Variants in ROS1 observed in about 807,000 individuals in gnomAD.
ROS1 encodes the protein ROS proto-oncogene 1, receptor tyrosine kinase.
Under a neutral mutation model 273.5 loss-of-function variants are expected in ROS1, and 263 were observed. The ratio of observed to expected loss-of-function variants is 0.96; its 90% confidence interval spans 0.87 to 1.06. ROS1 has a LOEUF of 1.06. Among genes scored for constraint, ROS1 ranks in the 50% least tolerant of loss-of-function variants. The pLI is 0.00. For synonymous variants in ROS1, 1,008 were observed against 954.1 expected (o/e 1.06, Z -1.04); for missense variants, 2,833 against 2,751.1 (o/e 1.03, Z -0.67).
chr6:117,377,963 T>TA (rs1781473701), intron 18 of ROS1, among the ~76,000 whole-genome samples: 1 of 152,168 alleles, frequency 6.6e-6, no homozygotes, highest in Admixed American at 6.5e-5. Flanking sequence ...AAGTGCTGGT[T>TA]AAAATCACAA....
In ROS1 at chr6:117,320,028, G is replaced by T; in HGVS notation, c.5762C>A (p.Thr1921Asn). 6.2e-7 allele frequency: 1 copy of T among 1,612,872 alleles called. No homozygotes were observed. Among genetic ancestry groups the T allele is most frequent in the Non-Finnish European group, 8.5e-7 (1 of 1,179,300 alleles). Residue 1921 changes from threonine (T) to asparagine (N), a missense_variant and splice_region_variant, in exon 37 of 44, where the codon ACT (threonine) becomes AAT (asparagine). Thr to Asn is a moderately conservative substitution (Grantham distance 65, BLOSUM62 0). Transcript: ENST00000368507. ...GLANACYAIH[T>N]LPTQEEIENL... ...TTCAATCTCCTCTTGGGTTGGAAGA[G>T]TACTGTAAAATAGCAACATTTTTGT...
At chr6:117,321,576 A>C (rs952831672) in intron 35 of ROS1, among the ~76,000 whole-genome samples, 182 bp from the exon 36 acceptor site, 2 of 152,142 alleles carry the variant, frequency 1.3e-5, no homozygotes, top group Admixed American at 1.3e-4. Context: ...CCAGGTAAAA[A>C]GCCATATATA....
chr6:117,328,741 G>T (rs374551666), intron 33 of ROS1: 1 of 613,722 alleles, frequency 1.6e-6, no homozygotes, highest in East Asian at 3.4e-5. Flanking sequence ...TATGGTTCAC[G>T]TGCTCCCCGT....
In ROS1 at chr6:117,307,214, A is replaced by G. The variant is rs564850733; in HGVS notation, c.6551+1580T>C. 3.9e-5 allele frequency among the ~76,000 whole-genome samples: 6 copies of G among 152,258 alleles called. No homozygotes were observed. In the South Asian group the frequency reaches 1.0e-3, roughly 26 times the overall value. The stretch of plus-strand genomic sequence containing the variant: ...ATTTGTTATTAACCCCCCTGCCCCA[A>G]ACAAAATAATCAAACACATCAGTCA... On this transcript the variant is annotated intron_variant, in intron 42 of 43. Coordinates refer to ENST00000368507, the MANE Select transcript of ROS1 (RefSeq NM_001378902.1).
Position 117,383,427 on chromosome 6 carries a change from A to G in ROS1, c.2371T>C (p.Ser791Pro). Reference protein sequence around the residue: ...KLLVNDMVVDSVGGYLYWTTL... With the variant: ...KLLVNDMVVDPVGGYLYWTTL... ...GTCCAGTAGAGATATCCACCAACTG[A>G]ATCCACCACCATGTCATTCACCAAT... Residue 791 changes from serine to proline, a missense_variant, in exon 17 of 44, where the codon TCA becomes CCA. Transcript: ENST00000368507. 6.2e-7 allele frequency: 1 copy of G among 1,614,028 alleles called. No homozygotes were observed. The highest frequency in any genetic ancestry group is 1.1e-5 in the South Asian group (1 of 91,078).
rs1313117191 is a variant in ROS1 at position 117,361,086 on chromosome 6, G to T, written c.3367-681C>A. Among the ~76,000 whole-genome samples, 3 of 152,218 alleles carry T rather than the reference G, an allele frequency of 2.0e-5. No homozygotes were observed. The East Asian group carries it at 5.8e-4, about 29-fold the overall frequency. Reference sequence around the variant, plus strand: ...TGGACCAGGATACTAATAAAGGTAAGTAACTCATGCACAATGACGTATGTA... The same window carrying T: ...TGGACCAGGATACTAATAAAGGTAATTAACTCATGCACAATGACGTATGTA... On this transcript the variant is annotated intron_variant, in intron 22 of 43. Transcript: ENST00000368507.
At chr6:117,370,626 A>G (rs1218715995) in intron 18 of ROS1, among the ~76,000 whole-genome samples, 7 of 152,326 alleles carry the variant, frequency 4.6e-5, no homozygotes, top group African/African-American at 1.4e-4. Flanking sequence ...GAACACTAAG[A>G]GTAGGATGGT....
intron 4 of ROS1, among the ~76,000 whole-genome samples, chr6:117,413,349 G>T (rs1775079212): frequency 6.6e-6 from 1 of 152,064 alleles, no homozygotes; most frequent in Non-Finnish European, 1.5e-5. Context: ...CCTCCTACTT[G>T]AACCTCCGAA....
intron 9 of ROS1, among the ~76,000 whole-genome samples, chr6:117,395,139 T>A (rs1773390482): frequency 6.6e-6 from 1 of 152,150 alleles, no homozygotes; most frequent in Admixed American, 6.5e-5. Flanking sequence ...GTTGTCTCTG[T>A]GTTGTCTTCA....
Position 117,359,906 on chromosome 6 carries a change from AT to A in ROS1, c.3535del (p.Ile1179SerfsTer59), listed in dbSNP as rs754423362. On this transcript the variant is annotated frameshift_variant, in exon 24 of 44. Transcript: ENST00000368507. LOFTEE classifies it high-confidence loss of function. Reference sequence around the variant, plus strand: ...ATCAGCTGTGTAGCAAACGGCACTGATAACTCTTTCTGCTGAAAACGTCCAC... The same window carrying A: ...ATCAGCTGTGTAGCAAACGGCACTGAAACTCTTTCTGCTGAAAACGTCCAC... Reference protein sequence around the residue: ...VVWTFSAERVISAVCYTADNE... With the variant: ...VVWTFSAERVXSAVCYTADNE... 1 of 1,613,932 alleles carries A rather than the reference AT, an allele frequency of 6.2e-7. No homozygotes were observed. The highest frequency in any genetic ancestry group is 1.6e-4 in the Middle Eastern group (1 of 6,062).
chr6:117,365,349 G>A (rs949807268), intron 20 of ROS1, 145 bp from the exon 21 acceptor site: 4 of 872,170 alleles, frequency 4.6e-6, no homozygotes, highest in Non-Finnish European at 3.5e-6. Flanking sequence ...CAAGTTCTGT[G>A]TTGTGCCACA....
chr6:117,408,591 T>C (rs1031968434), intron 5 of ROS1, among the ~76,000 whole-genome samples: 16 of 152,090 alleles, frequency 1.1e-4, no homozygotes, highest in Non-Finnish European at 2.2e-4. Flanking sequence ...TGTGGAGAAA[T>C]AGGAACACTT....
intron 5 of ROS1, among the ~76,000 whole-genome samples, chr6:117,407,728 T>C (rs999395415): frequency 2.0e-5 from 3 of 152,188 alleles, no homozygotes; most frequent in Non-Finnish European, 4.4e-5. Flanking sequence ...AAAGTTCACA[T>C]GGAACCAAAA....
chr6:117,399,383 G>T (rs1446864370), intron 7 of ROS1, among the ~76,000 whole-genome samples: 2 of 152,190 alleles, frequency 1.3e-5, no homozygotes, highest in Non-Finnish European at 2.9e-5. Context: ...GCCAGTGTTT[G>T]GTCTGAGGCG....
Position 117,341,428 on chromosome 6 carries a change from A to G in ROS1, c.4856T>C (p.Leu1619Pro). ...NGRLTLLVTR[L>P]SGGNIYVLKV... is the part of the protein sequence containing the mutation. ...TAACACATAAATATTTCCACCAGAC[A>G]GTCTAGTAACAAGGAGAGTGAGCCT... The change falls in exon 30 of 44, where the codon CTG (leucine) becomes CCG (proline). Residue 1619 changes from leucine to proline, a missense_variant. Coordinates refer to ENST00000368507, the MANE Select transcript of ROS1 (RefSeq NM_001378902.1). 6.2e-7 allele frequency: 1 copy of G among 1,613,834 alleles called. No homozygotes were observed.
At position 117,288,592 on chromosome 6, in the gene ROS1, A is replaced by G. The variant is rs199971914; in HGVS notation, c.6926T>C (p.Phe2309Ser). ...GTAAGCCACTTGTTTTTCTTGGCAG[A>G]AATCTTTGTCTGCATGTGGTTCCTT... ...EEKEPHADKD[F>S]CQEKQVAYCP... The change falls in exon 44 of 44, where the codon TTC becomes TCC. Residue 2309 changes from phenylalanine to serine, a missense_variant. Physicochemically the swap from Phe to Ser is radical, Grantham distance 155. Coordinates refer to ENST00000368507, the MANE Select transcript of ROS1 (RefSeq NM_001378902.1). The G allele has an allele frequency of 4.3e-6, 7 of 1,614,184 alleles. No homozygotes were observed. In the Admixed American group the frequency reaches 8.3e-5, roughly 19 times the overall value.
intron 18 of ROS1, among the ~76,000 whole-genome samples, chr6:117,367,124 C>T (rs1288727362): frequency 6.6e-6 from 1 of 152,144 alleles, no homozygotes; most frequent in Non-Finnish European, 1.5e-5. Context: ...AGCAGAAGGG[C>T]TTTGGGACCA....
chr6:117,385,737 AG>A lies in ROS1; in HGVS notation c.2234del (p.Ala745ValfsTer2). 1.2e-6 allele frequency: 2 copies of A among 1,614,190 alleles called. No individual in the cohort carries two copies. The highest frequency in any genetic ancestry group is 1.7e-6 in the Non-Finnish European group (2 of 1,180,036). ...YHLPSIAGAG[A>X]LAFEWLGHFL... ...AGTGACCCAGCCACTCAAAAGCTAA[AG>A]CCCCTGCTCCTGCAATGCTGGGTAG... On this transcript the variant is annotated frameshift_variant, in exon 16 of 44. Coordinates refer to ENST00000368507, the MANE Select transcript of ROS1 (RefSeq NM_001378902.1). LOFTEE classifies it high-confidence loss of function.
At chr6:117,414,603 G>T in intron 3 of ROS1, 58 bp from the exon 4 acceptor site, 2 of 705,276 alleles carry the variant, frequency 2.8e-6, no homozygotes, top group South Asian at 3.2e-5. Flanking sequence ...TAATTTTAGT[G>T]ACACTGAGCT....
Sources: allele counts gnomAD v4.1 joint callset (sites outside exome capture counted in the v4.1 genomes callset), GRCh38; gene constraint gnomAD v4.1.1; transcripts MANE v1.5; gene names NCBI Gene and HGNC (gene_info 2026-07-23, HGNC 2026-07-21).